ARID2: variants seen among roughly 807,000 people sequenced by gnomAD.
ARID2 encodes the protein AT-rich interactive domain-containing protein 2.
In ARID2, 32 loss-of-function variants were observed where a neutral mutation model predicts 184.6. The ratio of observed to expected loss-of-function variants is 0.17; its 90% confidence interval spans 0.13 to 0.23. The LOEUF (loss-of-function observed/expected upper bound fraction) is 0.23. Ranked by LOEUF, ARID2 falls within the 10% of genes least tolerant of loss-of-function variation. The pLI is 1.00. For synonymous variants in ARID2, 836 were observed against 772.6 expected (o/e 1.08, Z -1.36); for missense variants, 1,696 against 2,197.6 (o/e 0.77, Z 4.56).
chr12:45,780,856 G>C (rs1329344884), intron 3 of ARID2, among the ~76,000 whole-genome samples: 1 of 152,064 alleles, frequency 6.6e-6, no homozygotes, highest in Non-Finnish European at 1.5e-5. Flanking sequence ...CTGACCTCAG[G>C]CGATCCACCT....
intron 8 of ARID2, 52 bp from the exon 9 acceptor site, chr12:45,837,269 A>G (rs970324837): frequency 2.8e-6 from 4 of 1,423,462 alleles, no homozygotes; most frequent in Non-Finnish European, 3.8e-6. Flanking sequence ...AATTTGAAGT[A>G]TACAACTCTG....
chr12:45,898,786 G>A (rs573753759), intron 20 of ARID2, among the ~76,000 whole-genome samples: 20 of 152,050 alleles, frequency 1.3e-4, no homozygotes, highest in Middle Eastern at 6.8e-3. Flanking sequence ...GCATGGTGGC[G>A]CATGCCTGTA....
At chr12:45,756,191 C>T (rs918366247) in intron 3 of ARID2, among the ~76,000 whole-genome samples, 5 of 152,182 alleles carry the variant, frequency 3.3e-5, no homozygotes, top group Non-Finnish European at 7.3e-5. Context: ...CAGGCATGAG[C>T]CAACGCGCCC....
intron 5 of ARID2, among the ~76,000 whole-genome samples, chr12:45,821,057 T>C (rs1942885536): frequency 6.6e-6 from 1 of 152,188 alleles, no homozygotes; most frequent in South Asian, 2.1e-4. Context: ...ATGAAGATTT[T>C]AAATGATAAC....
chr12:45,881,587 CACTTCATGG>C, intron 16 of ARID2: 1 of 155,404 alleles, frequency 6.4e-6, no homozygotes, highest in East Asian at 1.9e-4. Context: ...AGGCTACATA[CACTTCATGG>C]ACCTGGAGGG....
At chr12:45,861,642 T>C (rs1943751673) in intron 16 of ARID2, among the ~76,000 whole-genome samples, 1 of 146,210 alleles carries the variant, frequency 6.8e-6, no homozygotes. Context: ...TGGAGTGCAG[T>C]GGCGCTATCT....
Position 45,849,526 on chromosome 12 carries a change from T to C in ARID2, c.1716-54T>C, listed in dbSNP as rs1031026320. 3.5e-6 allele frequency: 5 copies of C among 1,413,072 alleles called. No individual in the cohort carries two copies. The African/African-American group carries it at 7.0e-5, about 20-fold the overall frequency. The allele number at this position is 1,413,072 out of a possible 1,614,324, so 87.5% of individuals were successfully genotyped here. On this transcript the variant is annotated intron_variant, in intron 13 of 20. Transcript: ENST00000334344. ...GCTGTTGTTCATGTAAACATAATGTTAGAAGTCAATGTGATAGTTATCAAA... is the reference window on the plus strand; with the variant it reads ...GCTGTTGTTCATGTAAACATAATGTCAGAAGTCAATGTGATAGTTATCAAA...
Position 45,817,848 on chromosome 12 carries a change from C to T in ARID2, c.597C>T (p.Ile199=), listed in dbSNP as rs776829647. The change falls in exon 5 of 21, where the codon ATC becomes ATT. Residue 199 remains isoleucine (I), a synonymous_variant. Coordinates refer to ENST00000334344, the MANE Select transcript of ARID2 (RefSeq NM_152641.4). ...TGCAACTTGAAAAAGATCCTAAAAT[C>T]ATCACTTTACTACTTGCTAATGCCG... ...HVMQLEKDPK[I]ITLLLANAGV... is the part of the protein sequence containing the mutation. The T allele has an allele frequency of 1.2e-6, 2 of 1,613,054 alleles. No homozygotes were observed. Among genetic ancestry groups the T allele is most frequent in the South Asian group, 2.2e-5 (2 of 91,004 alleles).
rs75704921 is a variant in ARID2, at chr12:45,906,317, C to T, written c.*1239C>T. ...CACATTCCTGCTCAGAAACTGCTCA[C>T]TTCCTTAAATTGTCTTTTTTCCCCC... On this transcript the variant is annotated 3_prime_UTR_variant, in exon 21 of 21. Transcript: ENST00000334344. The T allele has an allele frequency of 0.02, 4,721 of 233,226 alleles. 78 individuals are homozygous for T. The highest frequency in any genetic ancestry group is 0.03 in the Non-Finnish European group (3,488 of 117,802). 14.4% of individuals were successfully genotyped at this position (233,226 alleles called of 1,614,324 possible).
chr12:45,907,096 T>C lies in ARID2; in HGVS notation c.*2018T>C, dbSNP rs892904817. On this transcript the variant is annotated 3_prime_UTR_variant, in exon 21 of 21. Transcript: ENST00000334344. ...GAGAAACTTCATCTAATATTAGTTATAAGGTTGTGGAATTTATGCTTGGCC... is the reference window on the plus strand; with the variant it reads ...GAGAAACTTCATCTAATATTAGTTACAAGGTTGTGGAATTTATGCTTGGCC... 2.5e-4 allele frequency: 57 copies of C among 232,544 alleles called. No individual in the cohort carries two copies. Among genetic ancestry groups the C allele is most frequent in the African/African-American group, 1.2e-3 (53 of 45,426 alleles). 14.4% of individuals were successfully genotyped at this position (232,544 alleles called of 1,614,324 possible). A position where few individuals can be genotyped will look rare whatever the true frequency, so the allele number is the denominator to read the frequency against.
intron 3 of ARID2, among the ~76,000 whole-genome samples, chr12:45,765,836 C>T (rs968015822): frequency 9.9e-5 from 15 of 152,244 alleles, no homozygotes; most frequent in African/African-American, 3.6e-4. Flanking sequence ...CCCTTTTTAA[C>T]CTCTGGCTAT....
intron 3 of ARID2, among the ~76,000 whole-genome samples, chr12:45,786,798 T>A (rs919462167): frequency 1.3e-5 from 2 of 152,192 alleles, no homozygotes; most frequent in South Asian, 4.1e-4. Context: ...CACAGTGTAA[T>A]ACTATTCAGC....
chr12:45,893,392 T>C (rs2136462016), intron 18 of ARID2, 28 bp from the exon 19 acceptor site: 1 of 1,574,076 alleles, frequency 6.4e-7, no homozygotes, highest in Non-Finnish European at 8.7e-7. Flanking sequence ...GTTAATTCTC[T>C]CTCTCTCTCT....
In ARID2 at chr12:45,821,482, G is replaced by A. The variant is rs771284827; in HGVS notation, c.700G>A (p.Val234Ile). 16 of 1,498,048 alleles carry A rather than the reference G, an allele frequency of 1.1e-5. No homozygotes were observed. The East Asian group carries it at 1.5e-4, about 14-fold the overall frequency. The allele number at this position is 1,498,048 out of a possible 1,614,324, so 92.8% of individuals were successfully genotyped here. A position where few individuals can be genotyped will look rare whatever the true frequency, so the allele number is the denominator to read the frequency against. Reference protein sequence around the residue: ...EWKEKTDRDFVKFWKDIVDDN... With the variant: ...EWKEKTDRDFIKFWKDIVDDN... ...GAAAGAGAAGACTGATAGAGACTTC[G>A]TTAAGGTAAATCATTTTAATTAAAA... Residue 234 changes from valine to isoleucine, a missense_variant, in exon 6 of 21, where the codon GTT becomes ATT. By Grantham distance (29) the Val-to-Ile change is conservative. Coordinates refer to ENST00000334344, the MANE Select transcript of ARID2 (RefSeq NM_152641.4).
At chr12:45,896,499 A>G (rs1944369300) in intron 20 of ARID2, among the ~76,000 whole-genome samples, 1 of 152,110 alleles carries the variant, frequency 6.6e-6, no homozygotes, top group African/African-American at 2.4e-5. Context: ...ACGAGATCCG[A>G]TGGTTTTAAA....
At chr12:45,788,115 T>C (rs1198514391) in intron 3 of ARID2, among the ~76,000 whole-genome samples, 5 of 152,182 alleles carry the variant, frequency 3.3e-5, no homozygotes, top group Non-Finnish European at 7.4e-5. Context: ...ATATTCAACA[T>C]TTAAACGTAG....
At chr12:45,778,257 C>T (rs200126798) in intron 3 of ARID2, among the ~76,000 whole-genome samples, 4 of 151,966 alleles carry the variant, frequency 2.6e-5, no homozygotes, top group Middle Eastern at 3.2e-3. Context: ...CCCCCCAACC[C>T]GCAAGAAAAT....
intron 4 of ARID2, among the ~76,000 whole-genome samples, chr12:45,815,977 G>C (rs1942797962): frequency 6.6e-6 from 1 of 152,108 alleles, no homozygotes; most frequent in Non-Finnish European, 1.5e-5. Flanking sequence ...ATTCTTGAAT[G>C]TTTAAATTTT....
intron 4 of ARID2, among the ~76,000 whole-genome samples, chr12:45,812,217 A>G (rs1424206373): frequency 6.6e-6 from 1 of 151,574 alleles, no homozygotes; most frequent in African/African-American, 2.4e-5. Context: ...AAAAAAAAAA[A>G]GAGATACTTG....
Sources: gnomAD v4.1 joint callset for allele counts (sites outside exome capture counted in the v4.1 genomes callset) on GRCh38, gnomAD v4.1.1 for gene constraint, MANE v1.5 for transcripts, NCBI Gene and HGNC (gene_info 2026-07-23, HGNC 2026-07-21) for gene names.